The following EEF1AKMT2 variants were observed in gnomAD, a reference collection of about 807,000 sequenced individuals.
The protein encoded by EEF1AKMT2 is EEF1A lysine methyltransferase 2.
A neutral mutation model predicts 35.8 loss-of-function variants in EEF1AKMT2; 32 were observed. The observed-to-expected ratio is 0.89, with a 90% CI of 0.67 to 1.20. The LOEUF (loss-of-function observed/expected upper bound fraction) is 1.20. EEF1AKMT2 is among the 50% of genes most tolerant of loss of function. The probability of loss-of-function intolerance (pLI) is 0.00; values close to 1 mark genes in which losing one functional copy is unlikely to be tolerated. For synonymous variants in EEF1AKMT2, 121 were observed against 133.7 expected (o/e 0.91, Z 0.65); for missense variants, 330 against 347.5 (o/e 0.95, Z 0.40).
At chr10:124,780,822 C>T (rs1564907717) in intron 3 of EEF1AKMT2, among the ~76,000 whole-genome samples, 1 of 151,610 alleles carries the variant, frequency 6.6e-6, no homozygotes, top group Non-Finnish European at 1.5e-5. Flanking sequence ...AAGCAAACTG[C>T]AAAAAACAAA....
At chr10:124,774,337 AGCCCTCCAGCCTGG>A (rs1360404450) in intron 4 of EEF1AKMT2, among the ~76,000 whole-genome samples, 1 of 118,320 alleles carries the variant, frequency 8.5e-6, no homozygotes, top group Non-Finnish European at 1.6e-5. Context: ...ACCGCACTCC[AGCCCTCCAGCCTGG>A]GCAACTGAGC....
intron 4 of EEF1AKMT2, among the ~76,000 whole-genome samples, chr10:124,768,296 C>A (rs1950397672): frequency 1.3e-5 from 2 of 152,144 alleles, no homozygotes; most frequent in Admixed American, 1.3e-4. Context: ...AAGGAAGCGA[C>A]ATGAACAGAC....
intron 4 of EEF1AKMT2, 159 bp from the exon 5 acceptor site, chr10:124,765,767 G>T: frequency 1.7e-6 from 1 of 588,474 alleles, no homozygotes; most frequent in South Asian, 2.2e-5. Context: ...TAACTTTTAT[G>T]AGCTTCAGTC....
chr10:124,786,955 A>G (rs977464088), intron 3 of EEF1AKMT2, among the ~76,000 whole-genome samples: 2 of 152,178 alleles, frequency 1.3e-5, no homozygotes, highest in African/African-American at 4.8e-5. Context: ...ATATAATTGT[A>G]CAAAAGAATT....
At chr10:124,763,282 A>T (rs1163204896) in intron 5 of EEF1AKMT2, among the ~76,000 whole-genome samples, 2 of 152,230 alleles carry the variant, frequency 1.3e-5, no homozygotes, top group Admixed American at 1.3e-4. Context: ...TAAAAAAATT[A>T]TAACACAAAG....
chr10:124,774,738 A>G lies in EEF1AKMT2; in HGVS notation c.336T>C (p.Pro112=). Residue 112 remains proline, a synonymous_variant, in exon 4 of 7, where the codon CCT becomes CCC. Transcript: ENST00000368836. The part of the protein sequence containing the change: ...FSNITGIDYS[P]SAIQLSGSII... ...TACTTCCAGAAAGCTGAATTGCAGAAGGAGAGTAATCAATTCCAGTAATAT... is the reference window on the plus strand; with the variant it reads ...TACTTCCAGAAAGCTGAATTGCAGAGGGAGAGTAATCAATTCCAGTAATAT... 5 of 1,486,118 alleles carry G rather than the reference A, an allele frequency of 3.4e-6. No homozygotes were observed. Among genetic ancestry groups the G allele is most frequent in the Non-Finnish European group, 3.6e-6 (4 of 1,122,668 alleles). 92.1% of individuals were successfully genotyped at this position (1,486,118 alleles called of 1,614,324 possible).
intron 3 of EEF1AKMT2, among the ~76,000 whole-genome samples, chr10:124,786,289 G>A (rs1471557625): frequency 6.6e-6 from 1 of 151,920 alleles, no homozygotes; most frequent in African/African-American, 2.4e-5. Flanking sequence ...GGCAGATCAC[G>A]AGGTCAGGAG....
downstream of EEF1AKMT2, among the ~76,000 whole-genome samples, chr10:124,757,405 T>TACACACACAC (rs1336424533): frequency 6.6e-6 from 1 of 151,128 alleles, no homozygotes; most frequent in African/African-American, 2.4e-5. Flanking sequence ...CACACACACA[T>TACACACACAC]ACACACACAC....
intron 4 of EEF1AKMT2, among the ~76,000 whole-genome samples, chr10:124,768,756 TAAC>T (rs1950402391): frequency 6.7e-6 from 1 of 149,648 alleles, no homozygotes; most frequent in South Asian, 2.1e-4. Flanking sequence ...TCTCAAAAAA[TAAC>T]AAAGAAAAAA....
At chr10:124,780,965 GA>G (rs1183975524) in intron 3 of EEF1AKMT2, among the ~76,000 whole-genome samples, 1 of 148,568 alleles carries the variant, frequency 6.7e-6, no homozygotes, top group Non-Finnish European at 1.5e-5. Flanking sequence ...TTTTTTTTTT[GA>G]GACGGAGTCT....
In EEF1AKMT2 at chr10:124,765,465, C is replaced by T. The variant is rs764931462; in HGVS notation, c.543G>A (p.Leu181=). The stretch of plus-strand genomic sequence containing the variant: ...TTATTAGAAAAAAGCCTTTTACTTT[C>T]AACACCCTGGAGAGAGATTTCACAT... ...KQYVKSLSRV[L]KVKGFFLITS... The change falls in exon 5 of 7, where the codon TTG becomes TTA. Residue 181 remains leucine (L), a synonymous_variant. Coordinates refer to ENST00000368836, the MANE Select transcript of EEF1AKMT2 (RefSeq NM_212554.4). 2 of 1,614,034 alleles carry T rather than the reference C, an allele frequency of 1.2e-6. No individual in the cohort carries two copies. Among genetic ancestry groups the T allele is most frequent in the Non-Finnish European group, 1.7e-6 (2 of 1,179,982 alleles).
At position 124,774,996 on chromosome 10, in the gene EEF1AKMT2, A is replaced by C. The variant is rs141764917; in HGVS notation, c.292-214T>G. 1.4e-5 allele frequency: 3 copies of C among 212,304 alleles called. No homozygotes were observed. The East Asian group carries it at 2.9e-4, about 20-fold the overall frequency. The allele number at this position is 212,304 out of a possible 1,614,324, so 13.2% of individuals were successfully genotyped here. A position where few individuals can be genotyped will look rare whatever the true frequency, so the allele number is the denominator to read the frequency against. ...AATACCTTTGTTTTCATAATATTTT[A>C]TCTCTTTTTCAAAAGGAAATTCATG... On this transcript the variant is annotated intron_variant, in intron 3 of 6. Coordinates refer to ENST00000368836, the MANE Select transcript of EEF1AKMT2 (RefSeq NM_212554.4).
Position 124,783,300 on chromosome 10 carries a change from G to T in EEF1AKMT2, c.291+5743C>A, listed in dbSNP as rs182168617. On this transcript the variant is annotated intron_variant, in intron 3 of 6. Transcript: ENST00000368836. The stretch of plus-strand genomic sequence containing the variant: ...TGACTACTCAGGCAAACACCACCAC[G>T]TCTGGCTAATTTTTGTATCTTTTGG... Among the ~76,000 whole-genome samples, 3 of 151,844 alleles carry T rather than the reference G, an allele frequency of 2.0e-5. No individual in the cohort carries two copies. In the East Asian group the frequency reaches 5.8e-4, roughly 30 times the overall value.
At chr10:124,780,552 C>T (rs939836529) in intron 3 of EEF1AKMT2, among the ~76,000 whole-genome samples, 1 of 151,834 alleles carries the variant, frequency 6.6e-6, no homozygotes, top group Non-Finnish European at 1.5e-5. Flanking sequence ...AACATTTGGC[C>T]GACAAAGACA....
chr10:124,766,861 A>G lies in EEF1AKMT2; in HGVS notation c.400-1253T>C, dbSNP rs187528412. On this transcript the variant is annotated intron_variant, in intron 4 of 6. Transcript: ENST00000368836. ...GTCAGGTACTTTTCAGACCCTGGAT[A>G]TAACAGTAAACAAAACAGAGCCAGG... is the stretch of plus-strand genomic sequence containing the variant. 4.3e-3 allele frequency among the ~76,000 whole-genome samples: 658 copies of G among 152,314 alleles called. 4 individuals carry two copies. The highest frequency in any genetic ancestry group is 0.015 in the African/African-American group (617 of 41,558).
intron 3 of EEF1AKMT2, among the ~76,000 whole-genome samples, chr10:124,780,998 T>C (rs937643186): frequency 3.3e-5 from 5 of 151,980 alleles, no homozygotes; most frequent in African/African-American, 4.8e-5. Flanking sequence ...CAAGCTGGAA[T>C]GCAGTGGCGC....
intron 5 of EEF1AKMT2, among the ~76,000 whole-genome samples, chr10:124,764,303 CAAAA>C (rs71893253): frequency 7.8e-6 from 1 of 127,578 alleles, no homozygotes; most frequent in East Asian, 2.3e-4. Context: ...AGTGCAGGAT[CAAAA>C]AAAAAAAAAA....
At chr10:124,788,325 T>G (rs569027068) in intron 3 of EEF1AKMT2, among the ~76,000 whole-genome samples, 216 of 152,268 alleles carry the variant, frequency 1.4e-3, no homozygotes, top group Non-Finnish European at 2.2e-3. Flanking sequence ...TATTACTGCA[T>G]GCATCAAGTG....
intron 3 of EEF1AKMT2, among the ~76,000 whole-genome samples, chr10:124,788,466 C>T (rs1031127062): frequency 2.6e-5 from 4 of 151,772 alleles, no homozygotes; most frequent in African/African-American, 9.7e-5. Flanking sequence ...ACAAATTTCA[C>T]TCTTATGTTT....
Sources: allele counts gnomAD v4.1 joint callset (sites outside exome capture counted in the v4.1 genomes callset), GRCh38; gene constraint gnomAD v4.1.1; transcripts MANE v1.5; gene names NCBI Gene and HGNC (gene_info 2026-07-23, HGNC 2026-07-21).